Variants in DUSP22 observed in about 807,000 individuals in gnomAD.
DUSP22 encodes the protein dual specificity phosphatase 22, also known as dual specificity protein phosphatase 22.
A neutral mutation model predicts 24.5 loss-of-function variants in DUSP22; 24 were observed. The ratio of observed to expected loss-of-function variants is 0.98; its 90% CI spans 0.71 to 1.38. DUSP22 has a LOEUF of 1.38. Ranked by LOEUF, DUSP22 falls within the 40% of genes most tolerant of loss-of-function variation. The pLI, the probability that DUSP22 is intolerant of heterozygous loss-of-function variation, is 0.00. For missense variants in DUSP22, 330 were observed against 269.2 expected (o/e 1.23, Z -1.58); for synonymous variants, 160 against 106.4 (o/e 1.50, Z -3.10).
At chr6:334,615 C>T (rs373041533) in intron 3 of DUSP22, among the ~76,000 whole-genome samples, 46 of 152,416 alleles carry the variant, frequency 3.0e-4, no homozygotes, top group African/African-American at 9.1e-4. Flanking sequence ...GGGTAAAGCT[C>T]GTATTGGTGC....
chr6:307,127 G>A (rs531565754), intron 2 of DUSP22, among the ~76,000 whole-genome samples: 19 of 152,412 alleles, frequency 1.2e-4, no homozygotes, highest in African/African-American at 3.4e-4. Flanking sequence ...GAATCCAGCT[G>A]TCATCTGTGC....
At chr6:299,211 TC>T (rs1757473812) in intron 1 of DUSP22, among the ~76,000 whole-genome samples, 1 of 152,308 alleles carries the variant, frequency 6.6e-6, no homozygotes, top group Non-Finnish European at 1.5e-5. Flanking sequence ...TCTCTGTTTT[TC>T]TTGCTTCTGG....
At chr6:308,838 C>T (rs1431596447) in intron 2 of DUSP22, among the ~76,000 whole-genome samples, 12 of 152,300 alleles carry the variant, frequency 7.9e-5, no homozygotes, top group East Asian at 1.9e-4. Flanking sequence ...GAAACAAATA[C>T]GGATGGTTGA....
intron 4 of DUSP22, among the ~76,000 whole-genome samples, chr6:341,328 G>A (rs538319414): frequency 1.5e-3 from 229 of 152,078 alleles, no homozygotes; most frequent in Non-Finnish European, 1.9e-3. Flanking sequence ...AACAGCTTGC[G>A]GTAGGATAGT....
At chr6:319,573 C>T (rs1758496275) in intron 3 of DUSP22, among the ~76,000 whole-genome samples, 1 of 152,296 alleles carries the variant, frequency 6.6e-6, no homozygotes, top group African/African-American at 2.4e-5. Context: ...CTCACAGATG[C>T]CCGGGGGATA....
At chr6:312,966 A>ATTTTTT (rs5873738) in intron 3 of DUSP22, among the ~76,000 whole-genome samples, 1 of 142,542 alleles carries the variant, frequency 7.0e-6, no homozygotes, top group Non-Finnish European at 1.5e-5. Flanking sequence ...TTAGCTCATA[A>ATTTTTT]TTTTTTTTTT....
At chr6:292,619 C>A (rs192483045) in intron 1 of DUSP22, 59 bp downstream of exon 1, 5 of 1,561,398 alleles carry the variant, frequency 3.2e-6, no homozygotes, top group East Asian at 2.5e-5. Context: ...TGCCGTCTCG[C>A]CGGCGTCGGC....
intron 3 of DUSP22, among the ~76,000 whole-genome samples, chr6:324,031 C>T (rs1758733638): frequency 1.3e-5 from 2 of 152,302 alleles, no homozygotes; most frequent in African/African-American, 2.4e-5. Flanking sequence ...GATAACATTT[C>T]CAAGTGTTTT....
At chr6:301,613 T>G (rs1473144269) in intron 1 of DUSP22, among the ~76,000 whole-genome samples, 2 of 152,416 alleles carry the variant, frequency 1.3e-5, no homozygotes, top group African/African-American at 2.4e-5. Flanking sequence ...CTGTGTGAAT[T>G]GAGGCTCTGC....
At chr6:305,638 C>T (rs948888302) in intron 2 of DUSP22, among the ~76,000 whole-genome samples, 22 of 152,296 alleles carry the variant, frequency 1.4e-4, no homozygotes, top group African/African-American at 4.1e-4. Flanking sequence ...CTGGGCTTGT[C>T]GGCTTCCAGG....
intron 3 of DUSP22, among the ~76,000 whole-genome samples, chr6:321,187 A>AG (rs1758571268): frequency 6.6e-6 from 1 of 152,306 alleles, no homozygotes; most frequent in Non-Finnish European, 1.5e-5. Context: ...GTGTGTGCAG[A>AG]GGTACAGGGT....
intron 2 of DUSP22, among the ~76,000 whole-genome samples, chr6:307,631 C>T (rs772743609): frequency 2.4e-4 from 36 of 152,394 alleles, no homozygotes; most frequent in East Asian, 1.3e-3. Context: ...CTCCCTGGGC[C>T]GGAGGGTGGG....
chr6:326,739 C>T (rs538628883), intron 3 of DUSP22, among the ~76,000 whole-genome samples: 1 of 152,424 alleles, frequency 6.6e-6, no homozygotes, highest in South Asian at 2.1e-4. Context: ...GTCACATTGA[C>T]TTTCCTTGTT....
At chr6:348,305 C>T (rs1322383153) in intron 6 of DUSP22, 31 bp downstream of exon 6, 1 of 1,613,120 alleles carries the variant, frequency 6.2e-7, no homozygotes, top group South Asian at 1.1e-5. Context: ...ATCAGAGATG[C>T]AGGCAGGTGC....
In DUSP22 at chr6:347,213, C is replaced by T. The variant is rs898789313; in HGVS notation, c.264-890C>T. On this transcript the variant is annotated intron_variant, in intron 5 of 6. Transcript: ENST00000419235. ...CCAGAGGATCTGTCTTTTAAGATCT[C>T]TCCTGGTAGTTCTAATCTAAAGCCC... 2.0e-5 allele frequency among the ~76,000 whole-genome samples: 3 copies of T among 152,300 alleles called. No homozygotes were observed. The East Asian group carries it at 5.8e-4, about 29-fold the overall frequency.
At chr6:320,996 G>GC in intron 3 of DUSP22, among the ~76,000 whole-genome samples, 1 of 152,300 alleles carries the variant, frequency 6.6e-6, no homozygotes, top group Non-Finnish European at 1.5e-5. Flanking sequence ...CCTTAAAAAT[G>GC]CATACCAGAG....
chr6:342,451 C>G (rs1759653269), intron 4 of DUSP22, among the ~76,000 whole-genome samples: 1 of 152,302 alleles, frequency 6.6e-6, no homozygotes, highest in Non-Finnish European at 1.5e-5. Flanking sequence ...CTGCCCCAGC[C>G]TGTGCACTGG....
intron 4 of DUSP22, among the ~76,000 whole-genome samples, chr6:341,133 G>A (rs1759586936): frequency 6.6e-6 from 1 of 152,422 alleles, no homozygotes; most frequent in South Asian, 2.1e-4. Context: ...GCGGGCAGGA[G>A]CGGGCATGAT....
chr6:322,502 C>T (rs113473048), intron 3 of DUSP22, among the ~76,000 whole-genome samples: 944 of 151,738 alleles, frequency 6.2e-3, no homozygotes, highest in African/African-American at 0.022. Context: ...AGATTCCAAC[C>T]CAAGAAGACC....
Sources: gnomAD v4.1 joint callset for allele counts (sites outside exome capture counted in the v4.1 genomes callset) on GRCh38, gnomAD v4.1.1 for gene constraint, MANE v1.5 for transcripts, NCBI Gene and HGNC (gene_info 2026-07-23, HGNC 2026-07-21) for gene names.